Variants in ACAP2 observed in about 807,000 individuals in gnomAD.
The protein encoded by ACAP2 is ArfGAP with coiled-coil, ankyrin repeat and PH domains 2.
ACAP2 carries 39 observed loss-of-function variants against 115.8 expected under a neutral mutation model. That is an observed-to-expected ratio of 0.34 (90% CI 0.26 to 0.44). ACAP2 has a LOEUF of 0.44. Among genes scored for constraint, ACAP2 ranks in the 20% least tolerant of loss-of-function variants. The probability of loss-of-function intolerance (pLI) is 1.00; values close to 1 mark genes in which losing one functional copy is unlikely to be tolerated. For synonymous variants in ACAP2, 289 were observed against 315.8 expected (o/e 0.92, Z 0.90); for missense variants, 662 against 927.6 (o/e 0.71, Z 3.72).
At chr3:195,282,524 C>T (rs1266532721) in intron 22 of ACAP2, 1 of 152,160 alleles carries the variant, frequency 6.6e-6, no homozygotes, top group Admixed American at 6.5e-5. Flanking sequence ...ATATTTAATA[C>T]AGCTAACACA....
chr3:195,334,692 G>GA (rs1730388659), intron 7 of ACAP2, among the ~76,000 whole-genome samples: 1 of 152,132 alleles, frequency 6.6e-6, no homozygotes, highest in South Asian at 2.1e-4. Flanking sequence ...CAGCATGGGG[G>GA]AAAAACTGCA....
At chr3:195,376,496 T>C (rs921584210) in intron 4 of ACAP2, among the ~76,000 whole-genome samples, 2 of 151,902 alleles carry the variant, frequency 1.3e-5, no homozygotes, top group African/African-American at 4.8e-5. Context: ...TGAGCCAAGA[T>C]CGCACCACTG....
At chr3:195,378,482 C>T (rs1577383605) in intron 4 of ACAP2, among the ~76,000 whole-genome samples, 1 of 149,426 alleles carries the variant, frequency 6.7e-6, no homozygotes, top group Admixed American at 6.7e-5. Context: ...CAGAGCGAGA[C>T]TCCGTCTCAA....
intron 1 of ACAP2, among the ~76,000 whole-genome samples, chr3:195,420,132 T>C (rs1191276058): frequency 2.0e-5 from 3 of 152,134 alleles, no homozygotes; most frequent in Non-Finnish European, 2.9e-5. Flanking sequence ...TTCTGTCAAG[T>C]TTTATAGTTG....
chr3:195,300,146 A>C lies in ACAP2; in HGVS notation c.1395+1429T>G, dbSNP rs575490869. 2.0e-5 allele frequency among the ~76,000 whole-genome samples: 3 copies of C among 149,472 alleles called. No homozygotes were observed. In the Admixed American group the frequency reaches 2.0e-4, roughly 10 times the overall value. On this transcript the variant is annotated intron_variant, in intron 15 of 22. Transcript: ENST00000326793. Reference sequence around the variant, plus strand: ...ACTGCAACCTCTGCCTCCTGGATTCAAGCAATTCTCCTGCCTCAGCCTCTC... The same window carrying C: ...ACTGCAACCTCTGCCTCCTGGATTCCAGCAATTCTCCTGCCTCAGCCTCTC...
Position 195,345,245 on chromosome 3 carries a change from C to A in ACAP2, c.344+14G>T. On this transcript the variant is annotated intron_variant, in intron 5 of 22. Transcript: ENST00000326793. ...CTAGTTAATTTTCTTTCCTCTTCAC[C>A]GCAATTGACTTACTCTTTAACAAAG... is the stretch of plus-strand genomic sequence containing the variant. The A allele has an allele frequency of 6.3e-7, 1 of 1,596,328 alleles. No individual in the cohort carries two copies. The highest frequency in any genetic ancestry group is 2.2e-5 in the East Asian group (1 of 44,624).
intron 10 of ACAP2, among the ~76,000 whole-genome samples, chr3:195,315,374 G>T (rs746710105): frequency 6.6e-6 from 1 of 152,162 alleles, no homozygotes; most frequent in Non-Finnish European, 1.5e-5. Context: ...TTTGGCAAAC[G>T]TTCTTCAATA....
chr3:195,371,603 T>G (rs2108728634), intron 4 of ACAP2, among the ~76,000 whole-genome samples: 1 of 152,092 alleles, frequency 6.6e-6, no homozygotes, highest in East Asian at 1.9e-4. Flanking sequence ...TGAATAGGAG[T>G]GGTGGGAGAG....
intron 1 of ACAP2, among the ~76,000 whole-genome samples, chr3:195,414,028 G>T (rs886391423): frequency 1.3e-5 from 2 of 151,684 alleles, no homozygotes; most frequent in African/African-American, 2.4e-5. Flanking sequence ...AAAAGAGGAG[G>T]AGAAACACAG....
chr3:195,432,411 T>C (rs2108861140), intron 1 of ACAP2, among the ~76,000 whole-genome samples: 1 of 152,336 alleles, frequency 6.6e-6, no homozygotes, highest in East Asian at 1.9e-4. Flanking sequence ...CGTGTGGATA[T>C]TCAGTTGTCT....
intron 22 of ACAP2, among the ~76,000 whole-genome samples, chr3:195,281,001 A>G (rs2050810): frequency 0.83 from 126,226 of 152,182 alleles, 52,602 homozygotes; most frequent in East Asian, 0.95. Flanking sequence ...AGATTTTTGA[A>G]GCAAGAGATG....
At chr3:195,289,733 G>A (rs1227421987) in intron 20 of ACAP2, among the ~76,000 whole-genome samples, 8 of 147,130 alleles carry the variant, frequency 5.4e-5, no homozygotes, top group African/African-American at 7.5e-5. Context: ...GTGAACCCGG[G>A]AGGCGGAGCT....
intron 4 of ACAP2, among the ~76,000 whole-genome samples, chr3:195,351,493 T>G (rs1731597579): frequency 6.9e-6 from 1 of 145,852 alleles, no homozygotes; most frequent in Non-Finnish European, 1.5e-5. Context: ...TGTGACGGAG[T>G]CTTGCTCTGT....
chr3:195,402,810 A>C (rs902732236), intron 1 of ACAP2, among the ~76,000 whole-genome samples: 1 of 152,236 alleles, frequency 6.6e-6, no homozygotes, highest in Non-Finnish European at 1.5e-5. Flanking sequence ...TGTTTTTTAA[A>C]AAACACCATT....
intron 9 of ACAP2, chr3:195,325,343 A>G: frequency 2.4e-6 from 1 of 419,312 alleles, no homozygotes; most frequent in South Asian, 1.8e-5. Context: ...TCTCCAATTG[A>G]TCAATTTAAA....
At chr3:195,376,751 T>C (rs527697455) in intron 4 of ACAP2, among the ~76,000 whole-genome samples, 112 of 152,346 alleles carry the variant, frequency 7.4e-4, no homozygotes, top group African/African-American at 2.5e-3. Context: ...CAAATGGTTT[T>C]ATTATTTTCA....
At chr3:195,286,843 T>C (rs904084075) in intron 21 of ACAP2, among the ~76,000 whole-genome samples, 5 of 152,262 alleles carry the variant, frequency 3.3e-5, no homozygotes, top group Admixed American at 1.3e-4. Flanking sequence ...TCCACTGCTA[T>C]ATAGGTATTG....
chr3:195,301,097 T>C (rs1728019577), intron 15 of ACAP2, among the ~76,000 whole-genome samples: 1 of 152,074 alleles, frequency 6.6e-6, no homozygotes, highest in African/African-American at 2.4e-5. Flanking sequence ...TTTTTTCTTT[T>C]TCTTTTTTGA....
intron 4 of ACAP2, among the ~76,000 whole-genome samples, chr3:195,353,575 C>T (rs141220471): frequency 3.2e-4 from 48 of 152,128 alleles, no homozygotes; most frequent in Middle Eastern, 3.4e-3. Context: ...AGCAGATTCA[C>T]GACAGACTAG....
Sources: allele counts gnomAD v4.1 joint callset (sites outside exome capture counted in the v4.1 genomes callset), GRCh38; gene constraint gnomAD v4.1.1; transcripts MANE v1.5; gene names NCBI Gene and HGNC (gene_info 2026-07-23, HGNC 2026-07-21).